CADM2: variants seen among roughly 807,000 people sequenced by gnomAD.
CADM2 encodes the protein immunoglobulin superfamily member 4D.
Under a neutral mutation model 49.8 loss-of-function variants are expected in CADM2, and 12 were observed. The ratio of observed to expected loss-of-function variants is 0.24; its 90% confidence interval spans 0.15 to 0.39. CADM2 has a LOEUF of 0.39. Ranked by LOEUF, CADM2 falls within the 10% of genes least tolerant of loss-of-function variation. The pLI, the probability that CADM2 is intolerant of heterozygous loss-of-function variation, is 1.00. For synonymous variants in CADM2, 214 were observed against 175.4 expected (o/e 1.22, Z -1.74); for missense variants, 378 against 492.3 (o/e 0.77, Z 2.20).
intron 7 of CADM2, among the ~76,000 whole-genome samples, chr3:85,940,507 A>C (rs1161318340): frequency 6.6e-6 from 1 of 152,114 alleles, no homozygotes; most frequent in Non-Finnish European, 1.5e-5. Context: ...ATCTAGAGTG[A>C]AATATTGTTT....
chr3:84,985,915 T>C (rs2032524633), intron 1 of CADM2, among the ~76,000 whole-genome samples: 1 of 152,234 alleles, frequency 6.6e-6, no homozygotes, highest in African/African-American at 2.4e-5. Flanking sequence ...TGATTTCATA[T>C]TTTTAAAGTG....
chr3:85,412,663 T>C (rs910516917), intron 1 of CADM2, among the ~76,000 whole-genome samples: 2 of 152,070 alleles, frequency 1.3e-5, no homozygotes, highest in Non-Finnish European at 2.9e-5. Context: ...GGAGTATCCT[T>C]TGCTACAAAA....
intron 1 of CADM2, among the ~76,000 whole-genome samples, chr3:85,609,010 T>A (rs1359211923): frequency 6.6e-6 from 1 of 152,138 alleles, no homozygotes; most frequent in African/African-American, 2.4e-5. Flanking sequence ...ATTTTTTTGT[T>A]CTACTTGAAT....
chr3:85,419,193 C>T (rs1010294401), intron 1 of CADM2, among the ~76,000 whole-genome samples: 1 of 152,104 alleles, frequency 6.6e-6, no homozygotes, highest in South Asian at 2.1e-4. Context: ...TGGTGGCTCA[C>T]GCCTGTAATC....
intron 1 of CADM2, among the ~76,000 whole-genome samples, chr3:85,625,827 A>G (rs1045821304): frequency 3.3e-5 from 5 of 151,996 alleles, no homozygotes; most frequent in Non-Finnish European, 5.9e-5. Context: ...ATTAAAAATA[A>G]AGCATTGATT....
At chr3:85,205,947 A>C (rs1273901725) in intron 1 of CADM2, among the ~76,000 whole-genome samples, 3 of 152,196 alleles carry the variant, frequency 2.0e-5, no homozygotes, top group Non-Finnish European at 4.4e-5. Flanking sequence ...AACCTAAAGC[A>C]AAAGCAAACA....
At chr3:85,267,872 C>T (rs950387045) in intron 1 of CADM2, among the ~76,000 whole-genome samples, 1 of 151,492 alleles carries the variant, frequency 6.6e-6, no homozygotes, top group Non-Finnish European at 1.5e-5. Flanking sequence ...TGTCCTAATT[C>T]TTATTATCAA....
intron 1 of CADM2, among the ~76,000 whole-genome samples, chr3:85,655,060 T>C (rs929730689): frequency 6.6e-6 from 1 of 152,192 alleles, no homozygotes; most frequent in African/African-American, 2.4e-5. Flanking sequence ...TAAGGATTCT[T>C]ATGCTTTATT....
chr3:85,940,926 C>CT (rs143360066), intron 7 of CADM2, among the ~76,000 whole-genome samples: 5,066 of 151,978 alleles, frequency 0.033, 284 homozygotes, highest in African/African-American at 0.12. Flanking sequence ...CCTATACCCC[C>CT]GTCCTCACCC....
At chr3:85,496,976 T>G (rs978315903) in intron 1 of CADM2, among the ~76,000 whole-genome samples, 16 of 152,332 alleles carry the variant, frequency 1.1e-4, no homozygotes, top group African/African-American at 3.4e-4. Context: ...CCCAAGTAGC[T>G]GGGATTACAG....
At chr3:85,977,368 C>T (rs1030004674) in intron 8 of CADM2, among the ~76,000 whole-genome samples, 2 of 151,294 alleles carry the variant, frequency 1.3e-5, no homozygotes, top group African/African-American at 4.8e-5. Context: ...AGATCATTTA[C>T]ATGGAGTTTT....
intron 1 of CADM2, among the ~76,000 whole-genome samples, chr3:85,314,482 C>A (rs187022467): frequency 1.4e-4 from 22 of 151,922 alleles, no homozygotes; most frequent in African/African-American, 5.3e-4. Context: ...AAAAAACCTT[C>A]ATAATCTTAA....
intron 2 of CADM2, among the ~76,000 whole-genome samples, chr3:85,731,035 A>G (rs1420142335): frequency 1.3e-5 from 2 of 152,144 alleles, no homozygotes; most frequent in African/African-American, 4.8e-5. Context: ...TTCAAAGGAG[A>G]ATCAGTATTT....
chr3:86,029,580 T>C (rs1442315535), intron 8 of CADM2, among the ~76,000 whole-genome samples: 1 of 151,918 alleles, frequency 6.6e-6, no homozygotes, highest in Non-Finnish European at 1.5e-5. Context: ...TTCCTGGGCC[T>C]AGGATAATAA....
intron 1 of CADM2, among the ~76,000 whole-genome samples, chr3:85,073,881 A>G (rs887196813): frequency 7.9e-5 from 12 of 152,196 alleles, no homozygotes; most frequent in Non-Finnish European, 1.5e-4. Flanking sequence ...AAAGATTCAC[A>G]TACCCAAGAT....
intron 1 of CADM2, among the ~76,000 whole-genome samples, chr3:85,166,378 A>G (rs949566842): frequency 1.3e-5 from 2 of 151,960 alleles, no homozygotes; most frequent in African/African-American, 4.8e-5. Flanking sequence ...TTATAATGAG[A>G]TTTTAGAAAG....
chr3:85,676,565 C>T (rs748772721), intron 1 of CADM2, among the ~76,000 whole-genome samples: 3 of 152,064 alleles, frequency 2.0e-5, no homozygotes, highest in Admixed American at 6.6e-5. Flanking sequence ...TTAATGACAT[C>T]CAAAATGACT....
intron 1 of CADM2, among the ~76,000 whole-genome samples, chr3:85,124,694 C>T (rs891230010): frequency 2.0e-5 from 3 of 152,082 alleles, no homozygotes; most frequent in Non-Finnish European, 4.4e-5. Flanking sequence ...TACACCTAAG[C>T]TAAGGAACAT....
At chr3:85,080,234 C>T (rs144982694) in intron 1 of CADM2, among the ~76,000 whole-genome samples, 64 of 152,046 alleles carry the variant, frequency 4.2e-4, no homozygotes, top group African/African-American at 1.5e-3. Context: ...AGGAAGCTGG[C>T]TACCTTTAGA....
Sources: allele counts gnomAD v4.1 joint callset (sites outside exome capture counted in the v4.1 genomes callset), GRCh38; gene constraint gnomAD v4.1.1; transcripts MANE v1.5; gene names NCBI Gene and HGNC (gene_info 2026-07-23, HGNC 2026-07-21).